Variants in ANKAR observed in about 807,000 individuals in gnomAD.
ANKAR encodes ankyrin and armadillo repeat-containing protein.
ANKAR carries 136 observed loss-of-function variants against 146.2 expected under a neutral mutation model. The observed-to-expected ratio is 0.93, with a 90% confidence interval of 0.81 to 1.07. The LOEUF is 1.07. Ranked by LOEUF, ANKAR falls within the 50% of genes least tolerant of loss-of-function variation. The pLI is 0.00. For synonymous variants in ANKAR, 500 were observed against 575.8 expected (o/e 0.87, Z 1.88); for missense variants, 1,567 against 1,679.9 (o/e 0.93, Z 1.18).
rs1295467356 is a variant in ANKAR at position 189,737,796 on chromosome 2, T to C, written c.3537T>C (p.Phe1179=). 6.3e-7 allele frequency: 1 copy of C among 1,579,712 alleles called. No individual in the cohort carries two copies. The highest frequency in any genetic ancestry group is 2.2e-4 in the Middle Eastern group (1 of 4,564). ...TGACCATATCTATTTTTGAACGTTT[T>C]CTTGAATCAACAGTTGAAACTGAGA... ...GIMTISIFER[F]LESTVETEKA... Residue 1179 remains phenylalanine, a synonymous_variant, in exon 18 of 23, where the codon TTT becomes TTC. Coordinates refer to ENST00000684021, the MANE Select transcript of ANKAR (RefSeq NM_001378068.1).
intron 18 of ANKAR, chr2:189,753,135 G>A: frequency 9.1e-6 from 5 of 547,052 alleles, no homozygotes; most frequent in South Asian, 1.1e-4. Flanking sequence ...ATAAAAATTT[G>A]GAAAGAAAAA....
At chr2:189,676,339 T>C (rs1309689539) in intron 1 of ANKAR, 117 bp from the exon 2 acceptor site, 7 of 909,054 alleles carry the variant, frequency 7.7e-6, no homozygotes, top group African/African-American at 1.7e-5. Flanking sequence ...ACTATAATGG[T>C]TGACCATGAA....
chr2:189,689,484 A>G (rs2036101438), intron 2 of ANKAR, 43 bp from the exon 3 acceptor site: 2 of 1,468,120 alleles, frequency 1.4e-6, no homozygotes, highest in Admixed American at 2.3e-5. Flanking sequence ...GAAGCCAAAT[A>G]TGAAATTTTC....
downstream of ANKAR, chr2:189,761,500 A>G (rs370860929): frequency 5.6e-6 from 9 of 1,612,962 alleles, no homozygotes; most frequent in Non-Finnish European, 7.6e-6. Flanking sequence ...CTGCTGTATC[A>G]TCACAACTAG....
chr2:189,704,139 T>G (rs2038485773), intron 7 of ANKAR, among the ~76,000 whole-genome samples: 1 of 64,022 alleles, frequency 1.6e-5, no homozygotes, highest in Non-Finnish European at 2.8e-5. Flanking sequence ...TAACTCTCAT[T>G]ATTGGGAATT....
chr2:189,700,974 T>A (rs2037976255), intron 7 of ANKAR, among the ~76,000 whole-genome samples: 1 of 152,234 alleles, frequency 6.6e-6, no homozygotes, highest in African/African-American at 2.4e-5. Context: ...CAAATCTTTG[T>A]TATTGTGAAT....
At chr2:189,706,839 G>T in intron 8 of ANKAR, 99 bp from the exon 9 acceptor site, 1 of 786,364 alleles carries the variant, frequency 1.3e-6, no homozygotes, top group Non-Finnish European at 2.0e-6. Flanking sequence ...GAAGGTGGTG[G>T]TGTAAGTCAG....
intron 15 of ANKAR, among the ~76,000 whole-genome samples, chr2:189,729,715 T>TGTGTGTGTGTGTGTGTGTGTGTGTG (rs61101787): frequency 7.1e-6 from 1 of 141,392 alleles, no homozygotes; most frequent in Non-Finnish European, 1.5e-5. Context: ...TGTGTGTGTG[T>TGTGTGTGTGTGTGTGTGTGTGTGTG]GGTGCGGGTG....
Position 189,727,962 on chromosome 2 carries a change from T to A in ANKAR, c.2742T>A (p.Ala914=), listed in dbSNP as rs765865201. 1 of 1,614,090 alleles carries A rather than the reference T, an allele frequency of 6.2e-7. No individual in the cohort carries two copies. The highest frequency in any genetic ancestry group is 1.7e-5 in the Admixed American group (1 of 59,992). Residue 914 remains alanine, a synonymous_variant, in exon 13 of 23, where the codon GCT becomes GCA. Coordinates refer to ENST00000684021, the MANE Select transcript of ANKAR (RefSeq NM_001378068.1). ...AMEGAIPPLV[A]LFKGKQISVQ... The stretch of plus-strand genomic sequence containing the variant: ...AGGGAGCGATTCCTCCTCTGGTGGC[T>A]CTTTTTAAAGGGAAACAAATTAGTG...
At position 189,733,101 on chromosome 2, in the gene ANKAR, G is replaced by T; in HGVS notation, c.3301-6G>T. On this transcript the variant is annotated splice_polypyrimidine_tract_variant and splice_region_variant and intron_variant, in intron 16 of 22. Coordinates refer to ENST00000684021, the MANE Select transcript of ANKAR (RefSeq NM_001378068.1). ...GAAAAGTAATTTCTGAAAACCACAT[G>T]TTTAGGTTGAAGTGGCATTTTCCTT... 6.3e-7 allele frequency: 1 copy of T among 1,599,320 alleles called. No homozygotes were observed. The highest frequency in any genetic ancestry group is 2.2e-5 in the East Asian group (1 of 44,660).
At chr2:189,746,357 A>G (rs1329199606) in intron 22 of ANKAR, 23 bp from the exon 23 acceptor site, 1 of 1,588,928 alleles carries the variant, frequency 6.3e-7, no homozygotes, top group Non-Finnish European at 8.5e-7. Context: ...CAGGAGAGAC[A>G]TTTAATTGTG....
downstream of ANKAR, among the ~76,000 whole-genome samples, chr2:189,748,477 G>A (rs2044520168): frequency 6.6e-6 from 1 of 152,146 alleles, no homozygotes; most frequent in African/African-American, 2.4e-5. Flanking sequence ...TCCTCCCTTG[G>A]CCTCCCAAAG....
At chr2:189,755,661 G>T in intron 18 of ANKAR, 1 of 1,257,670 alleles carries the variant, frequency 8.0e-7, no homozygotes, top group Non-Finnish European at 1.1e-6. Context: ...TCATTATATA[G>T]CTGAGTAAGT....
rs565452892 is a variant in ANKAR, at chr2:189,680,743, C to T, written c.601+3652C>T. Among the ~76,000 whole-genome samples, 51 of 152,110 alleles carry T rather than the reference C, an allele frequency of 3.4e-4. 3 individuals are homozygous for T. In the South Asian group the frequency reaches 7.7e-3, roughly 23 times the overall value. On this transcript the variant is annotated intron_variant, in intron 2 of 22. Transcript: ENST00000684021. ...ATTTCCGTGTGTTTATATAGTTTTGCGGGTTCCTTTTGGAGTTAATTTCCA... is the reference window on the plus strand; with the variant it reads ...ATTTCCGTGTGTTTATATAGTTTTGTGGGTTCCTTTTGGAGTTAATTTCCA...
At chr2:189,761,954 T>C (rs780248098), downstream of ANKAR, among the ~76,000 whole-genome samples, 6 of 152,206 alleles carry the variant, frequency 3.9e-5, no homozygotes, top group Non-Finnish European at 7.3e-5. Flanking sequence ...GATAGAGTCC[T>C]CTGAAAAGTG....
chr2:189,685,405 T>G (rs914439058), intron 2 of ANKAR, among the ~76,000 whole-genome samples: 1 of 152,138 alleles, frequency 6.6e-6, no homozygotes, highest in East Asian at 1.9e-4. Context: ...GATAAAAAAA[T>G]GGGATATGAA....
At position 189,728,436 on chromosome 2, in the gene ANKAR, T is replaced by C. The variant is rs1488466727; in HGVS notation, c.3031+16T>C. 1 of 1,566,936 alleles carries C rather than the reference T, an allele frequency of 6.4e-7. No homozygotes were observed. The highest frequency in any genetic ancestry group is 8.6e-7 in the Non-Finnish European group (1 of 1,163,722). On this transcript the variant is annotated intron_variant, in intron 14 of 22. Transcript: ENST00000684021. ...CAGTATGTTGGTAAGTTATTTTCCT[T>C]ATTTTATTTTTATTTTTTAGAGACA...
chr2:189,747,733 C>T (rs547637195), downstream of ANKAR, among the ~76,000 whole-genome samples: 3 of 152,228 alleles, frequency 2.0e-5, no homozygotes, highest in African/African-American at 4.8e-5. Context: ...TGCTCTGTCA[C>T]CCAGGCTGGA....
At position 189,744,734 on chromosome 2, in the gene ANKAR, C is replaced by T. The variant is rs1386738292; in HGVS notation, c.4011-8C>T. On this transcript the variant is annotated splice_polypyrimidine_tract_variant and splice_region_variant and intron_variant, in intron 21 of 22. Transcript: ENST00000684021. The stretch of plus-strand genomic sequence containing the variant: ...TTTATTTTAATGACAAAAATGTTTT[C>T]CTTTTAGTCTGGAGAAGAATGGAGG... The T allele has an allele frequency of 6.3e-7, 1 of 1,581,142 alleles. No homozygotes were observed.
Sources: allele counts gnomAD v4.1 joint callset (sites outside exome capture counted in the v4.1 genomes callset), GRCh38; gene constraint gnomAD v4.1.1; transcripts MANE v1.5; gene names NCBI Gene and HGNC (gene_info 2026-07-23, HGNC 2026-07-21).